The following AGBL4 variants were observed in gnomAD, a reference collection of about 807,000 sequenced individuals.
AGBL4 encodes cytosolic carboxypeptidase 6.
AGBL4 carries 58 observed loss-of-function variants against 66.4 expected under a neutral mutation model. The observed-to-expected ratio is 0.87, with a 90% CI of 0.71 to 1.09. The LOEUF is 1.09. AGBL4 is among the 50% of genes least tolerant of loss of function. The pLI is 0.00. For synonymous variants in AGBL4, 234 were observed against 222.9 expected (o/e 1.05, Z -0.44); for missense variants, 579 against 631.0 (o/e 0.92, Z 0.88).
At chr1:49,831,563 C>G (rs1175922825) in intron 2 of AGBL4, among the ~76,000 whole-genome samples, 3 of 152,118 alleles carry the variant, frequency 2.0e-5, no homozygotes, top group Admixed American at 2.0e-4. Context: ...CAAATAGAGA[C>G]AATTAGACTT....
chr1:49,704,250 TC>T (rs1647159165), intron 2 of AGBL4, among the ~76,000 whole-genome samples: 1 of 152,022 alleles, frequency 6.6e-6, no homozygotes, highest in South Asian at 2.1e-4. Flanking sequence ...AATTTAGTAA[TC>T]AAGACAGTTT....
intron 5 of AGBL4, among the ~76,000 whole-genome samples, chr1:48,900,723 T>C (rs561945500): frequency 6.6e-6 from 1 of 152,218 alleles, no homozygotes; most frequent in Non-Finnish European, 1.5e-5. Flanking sequence ...ACACCACATA[T>C]GTAAATTCAT....
intron 1 of AGBL4, among the ~76,000 whole-genome samples, chr1:49,940,858 A>T (rs539208047): frequency 5.9e-5 from 9 of 151,720 alleles, no homozygotes; most frequent in Admixed American, 2.6e-4. Flanking sequence ...TAATAATAAT[A>T]AAAAAAATAG....
chr1:49,218,103 T>A (rs2148270582), intron 4 of AGBL4, among the ~76,000 whole-genome samples: 1 of 152,272 alleles, frequency 6.6e-6, no homozygotes, highest in South Asian at 2.1e-4. Context: ...TTCATCTTCA[T>A]GTCATCCTTT....
Position 48,852,011 on chromosome 1 carries a change from C to T in AGBL4, c.634+15180G>A, listed in dbSNP as rs536559353. Among the ~76,000 whole-genome samples, 182 of 124,948 alleles carry T rather than the reference C, an allele frequency of 1.5e-3. 1 individual carries two copies. Among genetic ancestry groups the T allele is most frequent in the Middle Eastern group, 9.8e-3 (2 of 204 alleles). The allele number at this position is 124,948 out of a possible 152,430, so 82.0% of individuals were successfully genotyped here. A position where few individuals can be genotyped will look rare whatever the true frequency, so the allele number is the denominator to read the frequency against. On this transcript the variant is annotated intron_variant, in intron 6 of 13. Transcript: ENST00000371839. ...CCAAGGTTCTGGTATGTGCCAGATA[C>T]GTACTTTTTTTTTTTTTTTTTTTTT...
intron 1 of AGBL4, among the ~76,000 whole-genome samples, chr1:49,939,666 T>C (rs376859817): frequency 2.0e-5 from 3 of 152,134 alleles, no homozygotes; most frequent in Non-Finnish European, 4.4e-5. Flanking sequence ...AAAGCTGAAA[T>C]TGGATCCCTT....
rs188995389 is a variant in AGBL4 at position 49,074,357 on chromosome 1, C to T, written c.378-28557G>A. ...GACCCCTTGCACTTCCCGGGTGAGG[C>T]GACACCCTGCCCTGCTTCGGCTCAC... is the stretch of plus-strand genomic sequence containing the variant. On this transcript the variant is annotated intron_variant, in intron 4 of 13. Coordinates refer to ENST00000371839, the MANE Select transcript of AGBL4 (RefSeq NM_032785.4). Among the ~76,000 whole-genome samples, 1,199 of 152,292 alleles carry T rather than the reference C, an allele frequency of 7.9e-3. 46 individuals carry two copies. Among genetic ancestry groups the T allele is most frequent in the Admixed American group, 0.059 (896 of 15,300 alleles).
chr1:48,747,125 CAT>C (rs1406141894), intron 6 of AGBL4, among the ~76,000 whole-genome samples: 5 of 152,218 alleles, frequency 3.3e-5, no homozygotes, highest in African/African-American at 7.2e-5. Flanking sequence ...CCCTCAAACA[CAT>C]GTGACCAAAT....
rs11313463 is a variant in AGBL4, at chr1:49,790,363, C to CAAAAAA, written c.157+61027_157+61032dup. 3.0e-5 allele frequency among the ~76,000 whole-genome samples: 3 copies of CAAAAAA among 98,994 alleles called. 1 individual carries two copies. Among genetic ancestry groups the CAAAAAA allele is most frequent in the Non-Finnish European group, 2.0e-5 (1 of 49,898 alleles). The allele number at this position is 98,994 out of a possible 152,430, so 64.9% of individuals were successfully genotyped here. ...TGGGTGACAGAGTGAGATTCTATCT[C>CAAAAAA]AAAAAAAAAAAAAAAAAAAGAAGCT... On this transcript the variant is annotated intron_variant, in intron 2 of 13. Transcript: ENST00000371839.
intron 6 of AGBL4, among the ~76,000 whole-genome samples, chr1:48,715,780 GAAAT>G (rs1344870483): frequency 6.6e-6 from 1 of 152,144 alleles, no homozygotes; most frequent in Non-Finnish European, 1.5e-5. Flanking sequence ...GCCACATGAC[GAAAT>G]AAATAAATAT....
chr1:49,035,130 C>T (rs1413839619), intron 5 of AGBL4, among the ~76,000 whole-genome samples: 1 of 152,046 alleles, frequency 6.6e-6, no homozygotes, highest in African/African-American at 2.4e-5. Context: ...GAATACAGTT[C>T]TGTGTTTTAG....
intron 2 of AGBL4, among the ~76,000 whole-genome samples, chr1:49,779,534 G>A (rs948529720): frequency 2.3e-4 from 35 of 152,088 alleles, no homozygotes; most frequent in African/African-American, 8.0e-4. Flanking sequence ...AAATGGAAAA[G>A]CACTGAGTAA....
At chr1:48,668,472 TC>T (rs1483905472) in intron 6 of AGBL4, among the ~76,000 whole-genome samples, 16 of 152,170 alleles carry the variant, frequency 1.1e-4, no homozygotes, top group African/African-American at 3.9e-4. Flanking sequence ...TGGCTGCCTA[TC>T]TCTCCAGTCC....
In AGBL4 at chr1:49,533,977, G is replaced by A. The variant is rs150190525; in HGVS notation, c.282+163336C>T. On this transcript the variant is annotated intron_variant, in intron 3 of 13. Coordinates refer to ENST00000371839, the MANE Select transcript of AGBL4 (RefSeq NM_032785.4). ...CAGAATCTGCAGATTTGGGGATTTC[G>A]CCAAAGAGAAGGGTCTAGGGTTTCT... 9.4e-3 allele frequency among the ~76,000 whole-genome samples: 1,431 copies of A among 152,086 alleles called. 47 individuals carry two copies. The highest frequency in any genetic ancestry group is 0.07 in the Admixed American group (1,061 of 15,250).
intron 4 of AGBL4, among the ~76,000 whole-genome samples, chr1:49,156,163 C>G (rs575999769): frequency 3.5e-4 from 53 of 152,244 alleles, no homozygotes; most frequent in Non-Finnish European, 6.3e-4. Context: ...TCCTTTAACT[C>G]AACACATCAC....
chr1:48,641,455 G>C (rs1645754372), intron 8 of AGBL4, among the ~76,000 whole-genome samples: 1 of 152,096 alleles, frequency 6.6e-6, no homozygotes, highest in African/African-American at 2.4e-5. Flanking sequence ...TCATGACGAG[G>C]AGATGTCTGT....
At chr1:49,267,899 C>T (rs1187689448) in intron 3 of AGBL4, among the ~76,000 whole-genome samples, 6 of 152,126 alleles carry the variant, frequency 3.9e-5, no homozygotes, top group Admixed American at 3.9e-4. Context: ...ACAAGAACAG[C>T]ATGGGGGAAA....
chr1:49,625,853 A>T (rs1270493299), intron 3 of AGBL4, among the ~76,000 whole-genome samples: 26 of 152,148 alleles, frequency 1.7e-4, no homozygotes, highest in Non-Finnish European at 2.9e-5. Flanking sequence ...ATTATCAACA[A>T]AGGGGAATTT....
intron 6 of AGBL4, among the ~76,000 whole-genome samples, chr1:48,702,124 G>T (rs533026990): frequency 1.3e-5 from 2 of 152,076 alleles, no homozygotes; most frequent in Non-Finnish European, 2.9e-5. Flanking sequence ...TTTACTTCCT[G>T]CATGTCCTGT....
Sources: gnomAD v4.1 joint callset for allele counts (sites outside exome capture counted in the v4.1 genomes callset) on GRCh38, gnomAD v4.1.1 for gene constraint, MANE v1.5 for transcripts, NCBI Gene and HGNC (gene_info 2026-07-23, HGNC 2026-07-21) for gene names.